The following IBTK variants were observed in gnomAD, a reference collection of about 807,000 sequenced individuals.
IBTK encodes the protein inhibitor of Bruton tyrosine kinase.
IBTK carries 83 observed loss-of-function variants against 154.9 expected under a neutral mutation model. The observed-to-expected ratio is 0.54, with a 90% CI of 0.45 to 0.64. The LOEUF (loss-of-function observed/expected upper bound fraction) is 0.64. Ranked by LOEUF, IBTK falls within the 30% of genes least tolerant of loss-of-function variation. IBTK has a pLI of 0.00. For missense variants in IBTK, 1,332 were observed against 1,584.6 expected (o/e 0.84, Z 2.71); for synonymous variants, 515 against 536.1 (o/e 0.96, Z 0.54).
intron 8 of IBTK, 116 bp from the exon 9 acceptor site, chr6:82,220,829 G>A: frequency 1.2e-6 from 1 of 847,240 alleles, no homozygotes; most frequent in Non-Finnish European, 1.7e-6. Flanking sequence ...TGAAGGTGAA[G>A]TAAAATGATT....
intron 16 of IBTK, chr6:82,206,067 A>C (rs1473002581): frequency 1.3e-5 from 2 of 152,190 alleles, no homozygotes; most frequent in East Asian, 3.9e-4. Flanking sequence ...AAATCAGCCA[A>C]AAGCTTATAA....
At position 82,170,875 on chromosome 6, in the gene IBTK, A is replaced by T. The variant is rs1767906711; in HGVS notation, c.*550T>A. 1 of 152,766 alleles carries T rather than the reference A, an allele frequency of 6.5e-6. No individual in the cohort carries two copies. 9.5% of individuals were successfully genotyped at this position (152,766 alleles called of 1,614,324 possible). The stretch of plus-strand genomic sequence containing the variant: ...CCAAATAGAAATATGGCATTTGTGC[A>T]GGTCAAGCTTTGAAGAGACATGGAC... On this transcript the variant is annotated 3_prime_UTR_variant, in exon 29 of 29. Transcript: ENST00000306270.
chr6:82,196,573 G>C, intron 21 of IBTK, 127 bp from the exon 22 acceptor site: 1 of 470,106 alleles, frequency 2.1e-6, no homozygotes, highest in East Asian at 3.5e-5. Context: ...TTATATTTAT[G>C]GTATAAAAAT....
Position 82,200,769 on chromosome 6 carries a change from T to TG in IBTK, c.2791-62_2791-61insC. On this transcript the variant is annotated intron_variant, in intron 19 of 28. Coordinates refer to ENST00000306270, the MANE Select transcript of IBTK (RefSeq NM_015525.4). ...ATCTGTGAAGTTTTTTTTTTTTTTT[T>TG]TTTTTTTTTTTTGTGCACACGTGGC... The TG allele has an allele frequency of 8.1e-6, 12 of 1,472,728 alleles. No homozygotes were observed. In the African/African-American group the frequency reaches 1.4e-4, roughly 17 times the overall value. 91.2% of individuals were successfully genotyped at this position (1,472,728 alleles called of 1,614,324 possible). A position where few individuals can be genotyped will look rare whatever the true frequency, so the allele number is the denominator to read the frequency against.
At position 82,214,761 on chromosome 6, in the gene IBTK, G is replaced by A. The variant is rs78528496; in HGVS notation, c.1670C>T (p.Ala557Val). The change falls in exon 12 of 29, where the codon GCA becomes GTA. Residue 557 changes from alanine to valine, a missense_variant. Transcript: ENST00000306270. ...ATCATGAATGCTGTCCATTTCATCT[G>A]CTTCCCTCAACAGTTTGCCAAACTC... is the stretch of plus-strand genomic sequence containing the variant. ...FEEFGKLLRE[A>V]DEMDSIHDVT... The A allele has an allele frequency of 5.0e-6, 8 of 1,613,688 alleles. No individual in the cohort carries two copies. Among genetic ancestry groups the A allele is most frequent in the Non-Finnish European group, 5.9e-6 (7 of 1,179,896 alleles).
chr6:82,221,254 G>A (rs923315171), intron 8 of IBTK, among the ~76,000 whole-genome samples: 2 of 152,290 alleles, frequency 1.3e-5, no homozygotes, highest in South Asian at 4.1e-4. Context: ...AACCTAGGAG[G>A]CAGAGGTTGC....
chr6:82,223,158 C>T (rs1770161218), intron 8 of IBTK, among the ~76,000 whole-genome samples: 1 of 151,792 alleles, frequency 6.6e-6, no homozygotes, highest in Non-Finnish European at 1.5e-5. Flanking sequence ...TATTTCTGTG[C>T]ACCTAAAATA....
chr6:82,171,378 T>A lies in IBTK; in HGVS notation c.*47A>T. On this transcript the variant is annotated 3_prime_UTR_variant, in exon 29 of 29. Coordinates refer to ENST00000306270, the MANE Select transcript of IBTK (RefSeq NM_015525.4). ...CTCTTTTCCACAGCTTTTCTTTATA[T>A]GAACAAACTCATAATTATGTAAAAT... 2.0e-6 allele frequency: 3 copies of A among 1,530,742 alleles called. No homozygotes were observed. Among genetic ancestry groups the A allele is most frequent in the Non-Finnish European group, 2.7e-6 (3 of 1,126,682 alleles). The allele number at this position is 1,530,742 out of a possible 1,614,324, so 94.8% of individuals were successfully genotyped here.
chr6:82,210,653 C>T (rs906577121), intron 16 of IBTK, among the ~76,000 whole-genome samples, 161 bp downstream of exon 16: 1 of 151,472 alleles, frequency 6.6e-6, no homozygotes, highest in African/African-American at 2.4e-5. Context: ...AGTAAGACCC[C>T]GGTCTCCATA....
chr6:82,218,019 T>C lies in IBTK; in HGVS notation c.1367A>G (p.Asp456Gly). The change falls in exon 10 of 29, where the codon GAT (aspartate) becomes GGT (glycine). Residue 456 changes from aspartate to glycine, a missense_variant. Around this residue, in one of 3 missense-constraint regions of IBTK, gnomAD observed 1,134 missense variants for 1,274.7 expected, o/e 0.89. Transcript: ENST00000306270. Reference sequence around the variant, plus strand: ...CCATCTCCCTCTAAATCCTTCTCCATCTTGCGTAACAAATAGAATTTCATT... The same window carrying C: ...CCATCTCCCTCTAAATCCTTCTCCACCTTGCGTAACAAATAGAATTTCATT... ...NRNEILFVTQ[D>G]GEGFRGRWFE... is the part of the protein sequence containing the mutation. 1.9e-6 allele frequency: 3 copies of C among 1,612,458 alleles called. No individual in the cohort carries two copies. Among genetic ancestry groups the C allele is most frequent in the Non-Finnish European group, 2.5e-6 (3 of 1,179,242 alleles).
chr6:82,214,184 G>T, intron 12 of IBTK, 43 bp downstream of exon 12: 4 of 1,527,436 alleles, frequency 2.6e-6, no homozygotes, highest in South Asian at 2.6e-5. Flanking sequence ...TTTAAAGGAG[G>T]ACTGAATGAG....
chr6:82,214,771 A>G lies in IBTK; in HGVS notation c.1660T>C (p.Leu554=), dbSNP rs146423479. The change falls in exon 12 of 29, where the codon TTG becomes CTG. Residue 554 remains leucine, a synonymous_variant. Transcript: ENST00000306270. ...CTGTCCATTTCATCTGCTTCCCTCAACAGTTTGCCAAACTCTTCAAAAAAG... is the reference window on the plus strand; with the variant it reads ...CTGTCCATTTCATCTGCTTCCCTCAGCAGTTTGCCAAACTCTTCAAAAAAG... ...SSFFEEFGKL[L]READEMDSIH... is the part of the protein sequence containing the mutation. 1.6e-5 allele frequency: 26 copies of G among 1,613,144 alleles called. No individual in the cohort carries two copies. Among genetic ancestry groups the G allele is most frequent in the Admixed American group, 3.3e-5 (2 of 59,798 alleles).
intron 2 of IBTK, among the ~76,000 whole-genome samples, chr6:82,239,059 T>A (rs1299952713): frequency 5.3e-5 from 8 of 152,028 alleles, no homozygotes; most frequent in Admixed American, 5.2e-4. Context: ...TTAGAGCTTA[T>A]AAACACCGTA....
rs758314907 is a variant in IBTK, at chr6:82,191,895, G to A, written c.3339-16C>T. On this transcript the variant is annotated splice_polypyrimidine_tract_variant and intron_variant, in intron 23 of 28. Transcript: ENST00000306270. Reference sequence around the variant, plus strand: ...GCTGACAGGACTAAAAGACATAAAAGGTTACTTTGCAAAGCATTCATTTAC... The same window carrying A: ...GCTGACAGGACTAAAAGACATAAAAAGTTACTTTGCAAAGCATTCATTTAC... 2.6e-6 allele frequency: 4 copies of A among 1,525,428 alleles called. No homozygotes were observed. In the South Asian group the frequency reaches 3.5e-5, roughly 13 times the overall value. The allele number at this position is 1,525,428 out of a possible 1,614,324, so 94.5% of individuals were successfully genotyped here.
chr6:82,245,829 G>C (rs1312851613), intron 1 of IBTK, among the ~76,000 whole-genome samples: 1 of 152,132 alleles, frequency 6.6e-6, no homozygotes, highest in Admixed American at 6.6e-5. Context: ...ACAAGATGTG[G>C]TGGTAATTCC....
Position 82,247,681 on chromosome 6 carries a change from G to C in IBTK, c.-477C>G, listed in dbSNP as rs1018222024. 1 of 398,776 alleles carries C rather than the reference G, an allele frequency of 2.5e-6. No individual in the cohort carries two copies. The highest frequency in any genetic ancestry group is 3.6e-5 in the East Asian group (1 of 28,076). The allele number at this position is 398,776 out of a possible 1,614,324, so 24.7% of individuals were successfully genotyped here. A position where few individuals can be genotyped will look rare whatever the true frequency, so the allele number is the denominator to read the frequency against. On this transcript the variant is annotated 5_prime_UTR_variant, in exon 1 of 29. Coordinates refer to ENST00000306270, the MANE Select transcript of IBTK (RefSeq NM_015525.4). ...ACGGCGCCAGAGGGGCCAGTCCCCAGACCCGGGTCAGTTCGGCAGGCGGCT... is the reference window on the plus strand; with the variant it reads ...ACGGCGCCAGAGGGGCCAGTCCCCACACCCGGGTCAGTTCGGCAGGCGGCT...
chr6:82,200,755 T>A (rs1769176764), intron 19 of IBTK, 47 bp from the exon 20 acceptor site: 1 of 599,856 alleles, frequency 1.7e-6, no homozygotes, highest in East Asian at 1.1e-4. Flanking sequence ...TCTGTGAAGT[T>A]TTTTTTTTTT....
chr6:82,194,992 A>T, intron 22 of IBTK, among the ~76,000 whole-genome samples: 1 of 152,316 alleles, frequency 6.6e-6, no homozygotes, highest in African/African-American at 2.4e-5. Flanking sequence ...TGAATATGAA[A>T]CAAAATGAAA....
rs780889890 is a variant in IBTK at position 82,246,441 on chromosome 6, C to CTCTTTTTTTTTTTTTTT, written c.-358+1120_-358+1121insAAAAAAAAAAAAAAAGA. Among the ~76,000 whole-genome samples, 35 of 111,672 alleles carry CTCTTTTTTTTTTTTTTT rather than the reference C, an allele frequency of 3.1e-4. 3 individuals carry two copies. Among genetic ancestry groups the CTCTTTTTTTTTTTTTTT allele is most frequent in the Admixed American group, 7.0e-4 (7 of 9,932 alleles). The allele number at this position is 111,672 out of a possible 152,430, so 73.3% of individuals were successfully genotyped here. ...CCCAGACTGCTGGGATTACAGGCAT[C>CTCTTTTTTTTTTTTTTT]TTTTTTTTTTTTTTTTTTTTTGAGA... On this transcript the variant is annotated intron_variant, in intron 1 of 28. Transcript: ENST00000306270.
Sources: allele counts gnomAD v4.1 joint callset (sites outside exome capture counted in the v4.1 genomes callset), GRCh38; gene constraint gnomAD v4.1.1; regional missense constraint gnomAD v4.1.1; transcripts MANE v1.5; gene names NCBI Gene and HGNC (gene_info 2026-07-23, HGNC 2026-07-21).